The following LRRTM3 variants were observed in gnomAD, a reference collection of about 807,000 sequenced individuals.
The protein encoded by LRRTM3 is leucine-rich repeat transmembrane neuronal protein 3.
A neutral mutation model predicts 44.7 loss-of-function variants in LRRTM3; 24 were observed. The observed-to-expected ratio is 0.54, with a 90% CI of 0.39 to 0.76. The LOEUF is 0.76. Among genes scored for constraint, LRRTM3 ranks in the 30% least tolerant of loss-of-function variants. The pLI is 0.00. For synonymous variants in LRRTM3, 277 were observed against 278.7 expected, an observed-to-expected ratio of 0.99 and a Z score of 0.06; for missense variants, 587 against 702.2, an observed-to-expected ratio of 0.84 and a Z score of 1.85.
chr10:67,095,934 A>G (rs943901169), intron 2 of LRRTM3, among the ~76,000 whole-genome samples: 2 of 151,814 alleles, frequency 1.3e-5, no homozygotes, highest in Non-Finnish European at 2.9e-5. Context: ...ATTTATTTTA[A>G]ATGGAAGTAT....
intron 2 of LRRTM3, among the ~76,000 whole-genome samples, chr10:66,957,477 C>T (rs1848885035): frequency 7.6e-6 from 1 of 131,118 alleles, no homozygotes; most frequent in African/African-American, 2.8e-5. Context: ...TATGTTTGAT[C>T]CTGAAGGAAG....
chr10:67,095,556 TTG>T (rs1222333388), intron 2 of LRRTM3, among the ~76,000 whole-genome samples: 1 of 151,774 alleles, frequency 6.6e-6, no homozygotes, highest in Admixed American at 6.6e-5. Flanking sequence ...AAGCAGGAAA[TTG>T]TGTGTGCACA....
chr10:67,036,401 G>A (rs1854057349), intron 2 of LRRTM3, among the ~76,000 whole-genome samples: 2 of 151,854 alleles, frequency 1.3e-5, no homozygotes, highest in African/African-American at 4.8e-5. Flanking sequence ...CCCAAGTAGC[G>A]ACACCTGTAA....
intron 2 of LRRTM3, among the ~76,000 whole-genome samples, chr10:67,056,596 A>T (rs1855446509): frequency 6.6e-6 from 1 of 152,206 alleles, no homozygotes; most frequent in South Asian, 2.1e-4. Context: ...TTTCTAAAAT[A>T]TCCACATTCC....
At chr10:66,997,189 C>T (rs1851402533) in intron 2 of LRRTM3, among the ~76,000 whole-genome samples, 1 of 152,148 alleles carries the variant, frequency 6.6e-6, no homozygotes, top group Non-Finnish European at 1.5e-5. Flanking sequence ...TGTATTATTT[C>T]AGCATTTCAG....
intron 2 of LRRTM3, among the ~76,000 whole-genome samples, chr10:66,933,336 C>A (rs181040313): frequency 6.6e-6 from 1 of 152,116 alleles, no homozygotes; most frequent in Non-Finnish European, 1.5e-5. Context: ...ATAAAGACAC[C>A]GACCAGCGAA....
intron 2 of LRRTM3, among the ~76,000 whole-genome samples, chr10:67,044,270 C>A (rs1308521229): frequency 6.6e-6 from 1 of 152,110 alleles, no homozygotes; most frequent in South Asian, 2.1e-4. Context: ...TTGATTATAG[C>A]CTAATCCAAA....
intron 2 of LRRTM3, among the ~76,000 whole-genome samples, chr10:66,951,997 T>C (rs553556915): frequency 2.0e-5 from 3 of 152,302 alleles, no homozygotes; most frequent in African/African-American, 7.2e-5. Flanking sequence ...CTAGTGACCT[T>C]GACAAATTGG....
At chr10:66,943,511 C>T (rs1225646212) in intron 2 of LRRTM3, among the ~76,000 whole-genome samples, 2 of 69,666 alleles carry the variant, frequency 2.9e-5, no homozygotes, top group Non-Finnish European at 7.5e-5. Context: ...AAATCCAATT[C>T]CCCCACCCTT....
At position 67,097,762 on chromosome 10, in the gene LRRTM3, G is replaced by A; in HGVS notation, c.1712G>A (p.Gly571Asp). 6.2e-7 allele frequency: 1 copy of A among 1,612,388 alleles called. No individual in the cohort carries two copies. The highest frequency in any genetic ancestry group is 8.5e-7 in the Non-Finnish European group (1 of 1,178,944). Residue 571 changes from glycine to aspartate, a missense_variant, in exon 3 of 3, where the codon GGC becomes GAC. Transcript: ENST00000361320. ...GACCTGAGCACAATCACAACAGCTG[G>A]CCGAATCAGTGACCATAAACAGCAG... ...ELDLSTITTA[G>D]RISDHKQQLA
intron 2 of LRRTM3, among the ~76,000 whole-genome samples, chr10:67,044,297 A>T (rs1854591767): frequency 6.6e-6 from 1 of 152,180 alleles, no homozygotes; most frequent in African/African-American, 2.4e-5. Context: ...ATTATTTAAC[A>T]ATTTAACGAG....
chr10:67,025,515 C>A (rs935975472), intron 2 of LRRTM3, among the ~76,000 whole-genome samples: 1 of 152,006 alleles, frequency 6.6e-6, no homozygotes, highest in African/African-American at 2.4e-5. Context: ...ATAATAAAAG[C>A]AAGTTTATTA....
intron 2 of LRRTM3, among the ~76,000 whole-genome samples, chr10:66,969,399 AATT>A (rs1325043843): frequency 6.6e-6 from 1 of 152,146 alleles, no homozygotes; most frequent in African/African-American, 2.4e-5. Context: ...GCAATAATTG[AATT>A]ATTATGCTAT....
intron 2 of LRRTM3, among the ~76,000 whole-genome samples, chr10:67,020,930 C>G (rs1220796073): frequency 2.6e-5 from 4 of 152,160 alleles, no homozygotes; most frequent in African/African-American, 9.6e-5. Context: ...AACACTTACA[C>G]TACCCGGAAG....
At chr10:67,063,239 A>G (rs1284984198) in intron 2 of LRRTM3, among the ~76,000 whole-genome samples, 1 of 152,098 alleles carries the variant, frequency 6.6e-6, no homozygotes, top group Non-Finnish European at 1.5e-5. Flanking sequence ...GCTTTATAAT[A>G]ACTCTGATGC....
chr10:67,063,449 T>TC (rs893791522), intron 2 of LRRTM3, among the ~76,000 whole-genome samples: 1 of 152,138 alleles, frequency 6.6e-6, no homozygotes, highest in African/African-American at 2.4e-5. Flanking sequence ...TTATGAGTAC[T>TC]CCAAGTTCCA....
intron 2 of LRRTM3, among the ~76,000 whole-genome samples, chr10:67,058,632 C>A (rs573284721): frequency 6.6e-6 from 1 of 151,966 alleles, no homozygotes; most frequent in Non-Finnish European, 1.5e-5. Context: ...CGCAGAAGCC[C>A]AGAGAGCACT....
intron 2 of LRRTM3, among the ~76,000 whole-genome samples, chr10:67,085,796 A>ACAAACC (rs1231764976): frequency 6.6e-6 from 1 of 152,050 alleles, no homozygotes; most frequent in Non-Finnish European, 1.5e-5. Context: ...GCAAGCCTGC[A>ACAAACC]CAAACCCTGA....
intron 2 of LRRTM3, among the ~76,000 whole-genome samples, chr10:66,970,196 A>C (rs1034185156): frequency 6.6e-6 from 1 of 152,172 alleles, no homozygotes; most frequent in African/African-American, 2.4e-5. Context: ...AAACTAGAGC[A>C]AGGTCAGTTG....
Sources: gnomAD v4.1 joint callset for allele counts (sites outside exome capture counted in the v4.1 genomes callset) on GRCh38, gnomAD v4.1.1 for gene constraint, MANE v1.5 for transcripts, NCBI Gene and HGNC (gene_info 2026-07-23, HGNC 2026-07-21) for gene names.